ELP4: variants seen among roughly 807,000 people sequenced by gnomAD.
The protein encoded by ELP4 is elongator acetyltransferase complex subunit 4.
In ELP4, 51 loss-of-function variants were observed where a neutral mutation model predicts 48.9. The observed-to-expected ratio is 1.04, with a 90% CI of 0.83 to 1.32. The LOEUF (loss-of-function observed/expected upper bound fraction) is 1.32, where lower values mean the gene tolerates loss of function less well. Ranked by LOEUF, ELP4 falls within the 40% of genes most tolerant of loss-of-function variation. ELP4 has a pLI of 0.00. For synonymous variants in ELP4, 210 were observed against 189.2 expected, an observed-to-expected ratio of 1.11 and a Z score of -0.90; for missense variants, 519 against 514.6, an observed-to-expected ratio of 1.01 and a Z score of -0.08.
intron 9 of ELP4, among the ~76,000 whole-genome samples, chr11:31,670,878 G>C (rs563913181): frequency 7.3e-5 from 11 of 151,400 alleles, no homozygotes; most frequent in African/African-American, 2.7e-4. Context: ...AGGAATTATA[G>C]TTCCTACTTT....
chr11:31,615,397 G>A (rs978072760), intron 5 of ELP4, among the ~76,000 whole-genome samples: 1 of 151,978 alleles, frequency 6.6e-6, no homozygotes, highest in Non-Finnish European at 1.5e-5. Context: ...CAGAACCAAA[G>A]AGATAGCACT....
At chr11:31,652,080 A>C (rs554748444) in intron 9 of ELP4, 1 of 151,866 alleles carries the variant, frequency 6.6e-6, no homozygotes, top group African/African-American at 2.4e-5. Context: ...ATGGTAAACT[A>C]AGAATCATTA....
At chr11:31,598,489 TTTC>T (rs1212280701) in intron 4 of ELP4, among the ~76,000 whole-genome samples, 1 of 145,514 alleles carries the variant, frequency 6.9e-6, no homozygotes, top group African/African-American at 2.5e-5. Flanking sequence ...TTCCTTTTTT[TTTC>T]TTTTCTTCTT....
chr11:31,583,089 C>G (rs1449476450), intron 3 of ELP4, among the ~76,000 whole-genome samples: 1 of 152,066 alleles, frequency 6.6e-6, no homozygotes, highest in Non-Finnish European at 1.5e-5. Context: ...GGGTAGAATC[C>G]TGACTCTTAG....
Position 31,789,512 on chromosome 11 carries a change from T to C in ELP4, c.*5988T>C, listed in dbSNP as rs1188105796. ...TAAACTATGAACAGATGGGTAGAAG[T>C]ATTCGATATATCTTGATAAAACTCT... is the stretch of plus-strand genomic sequence containing the variant. On this transcript the variant is annotated 3_prime_UTR_variant, in exon 10 of 10. Coordinates refer to ENST00000640961, the MANE Select transcript of ELP4 (RefSeq NM_019040.5). The C allele has an allele frequency of 5.1e-6, 3 of 588,870 alleles. No individual in the cohort carries two copies. The highest frequency in any genetic ancestry group is 1.9e-5 in the African/African-American group (1 of 53,356). 36.5% of individuals were successfully genotyped at this position (588,870 alleles called of 1,614,324 possible).
chr11:31,638,938 T>G (rs998953002), intron 7 of ELP4, among the ~76,000 whole-genome samples: 1 of 151,894 alleles, frequency 6.6e-6, no homozygotes, highest in African/African-American at 2.4e-5. Flanking sequence ...AATATACTTT[T>G]GTGAGTTTAC....
chr11:31,716,872 T>A (rs1946851671), intron 9 of ELP4, among the ~76,000 whole-genome samples: 1 of 152,214 alleles, frequency 6.6e-6, no homozygotes, highest in African/African-American at 2.4e-5. Flanking sequence ...CCAAGTGCAG[T>A]AAGAATTCAG....
intron 9 of ELP4, among the ~76,000 whole-genome samples, chr11:31,743,736 A>G (rs1453014369): frequency 4.6e-5 from 7 of 152,160 alleles, no homozygotes; most frequent in Admixed American, 3.3e-4. Flanking sequence ...TCTCTGGGAC[A>G]CATTCAAAGC....
intron 2 of ELP4, among the ~76,000 whole-genome samples, chr11:31,533,979 G>A (rs969460061): frequency 1.3e-5 from 2 of 151,946 alleles, no homozygotes; most frequent in African/African-American, 2.4e-5. Flanking sequence ...GGGACTACAG[G>A]CTCCCGCCAC....
intron 5 of ELP4, among the ~76,000 whole-genome samples, chr11:31,607,013 T>G (rs1249459315): frequency 6.6e-6 from 1 of 152,138 alleles, no homozygotes; most frequent in East Asian, 1.9e-4. Flanking sequence ...CCTGGTGTGA[T>G]AAGATTCGTA....
chr11:31,641,892 A>G (rs2134061257), intron 7 of ELP4, among the ~76,000 whole-genome samples: 1 of 152,028 alleles, frequency 6.6e-6, no homozygotes, highest in East Asian at 1.9e-4. Context: ...TGATATTTGG[A>G]TATTAGCAAT....
rs143857932 is a variant in ELP4, at chr11:31,783,034, A to C, written c.1144-359A>C. On this transcript the variant is annotated intron_variant, in intron 9 of 9. Coordinates refer to ENST00000640961, the MANE Select transcript of ELP4 (RefSeq NM_019040.5). ...AATAAAACAAAGCCAAAAAGAAAAA[A>C]GACATCTGCCGTTATTTATGCGATA... Among the ~76,000 whole-genome samples the C allele has an allele frequency of 5.4e-4, 83 of 152,342 alleles. No homozygotes were observed. The East Asian group carries it at 7.3e-3, about 13-fold the overall frequency.
rs1056452264 is a variant in ELP4, at chr11:31,592,453, G to A, written c.382-2317G>A. Among the ~76,000 whole-genome samples, 5 of 151,026 alleles carry A rather than the reference G, an allele frequency of 3.3e-5. 1 individual carries two copies. The highest frequency in any genetic ancestry group is 2.0e-4 in the Admixed American group (3 of 15,108). On this transcript the variant is annotated intron_variant, in intron 3 of 9. Transcript: ENST00000640961. ...TCTACTCAGGAGGCTGAGGTGGGAG[G>A]ATCACTTGAGCCCAGGAGGTGTGTG... is the stretch of plus-strand genomic sequence containing the variant.
At chr11:31,525,776 T>G (rs1302891282) in intron 2 of ELP4, among the ~76,000 whole-genome samples, 1 of 152,122 alleles carries the variant, frequency 6.6e-6, no homozygotes, top group Non-Finnish European at 1.5e-5. Flanking sequence ...ACTCCTAGGA[T>G]TTTTGTTTGT....
intron 9 of ELP4, among the ~76,000 whole-genome samples, chr11:31,668,675 C>CAT (rs757792983): frequency 0.031 from 3,763 of 121,080 alleles, 253 homozygotes; most frequent in African/African-American, 0.087. Flanking sequence ...CCTTTGGTAC[C>CAT]GTGTGTGTGT....
intron 9 of ELP4, among the ~76,000 whole-genome samples, chr11:31,748,628 T>C (rs895206298): frequency 8.5e-5 from 13 of 152,128 alleles, no homozygotes; most frequent in African/African-American, 2.9e-4. Context: ...GGTGTCTTTT[T>C]CCCCCATATA....
At chr11:31,665,282 G>A (rs1333509921) in intron 9 of ELP4, among the ~76,000 whole-genome samples, 1 of 152,062 alleles carries the variant, frequency 6.6e-6, no homozygotes, top group African/African-American at 2.4e-5. Flanking sequence ...CATATGCTAG[G>A]GAGGATCCTT....
At chr11:31,717,399 T>C (rs776100962) in intron 9 of ELP4, among the ~76,000 whole-genome samples, 6 of 152,092 alleles carry the variant, frequency 3.9e-5, no homozygotes, top group Non-Finnish European at 7.4e-5. Flanking sequence ...AATATATTAG[T>C]ATCAGGCCCA....
intron 3 of ELP4, among the ~76,000 whole-genome samples, chr11:31,560,082 A>G (rs539767925): frequency 1.3e-5 from 2 of 152,214 alleles, no homozygotes; most frequent in East Asian, 3.9e-4. Context: ...TTTATTCTGG[A>G]AATATAAAAG....
Sources: allele counts gnomAD v4.1 joint callset (sites outside exome capture counted in the v4.1 genomes callset), GRCh38; gene constraint gnomAD v4.1.1; transcripts MANE v1.5; gene names NCBI Gene and HGNC (gene_info 2026-07-23, HGNC 2026-07-21).